Variants in SUSD6 observed in about 807,000 individuals in gnomAD.
SUSD6 encodes sushi domain containing 6, also known as sushi domain-containing protein 6.
SUSD6 carries 16 observed loss-of-function variants against 28.4 expected under a neutral mutation model. The observed-to-expected ratio is 0.56, with a 90% CI of 0.38 to 0.86. The LOEUF (loss-of-function observed/expected upper bound fraction) is 0.86. SUSD6 is among the 40% of genes least tolerant of loss of function. SUSD6 has a pLI of 0.00. For missense variants in SUSD6, 341 were observed against 384.2 expected (o/e 0.89, Z 0.94); for synonymous variants, 147 against 159.6 (o/e 0.92, Z 0.59).
At chr14:69,626,676 T>G (rs1288353850) in intron 1 of SUSD6, among the ~76,000 whole-genome samples, 1 of 152,110 alleles carries the variant, frequency 6.6e-6, no homozygotes, top group Non-Finnish European at 1.5e-5. Context: ...TAATACCAAC[T>G]AAGTCACCAG....
chr14:69,686,692 C>T (rs982680900), intron 2 of SUSD6, among the ~76,000 whole-genome samples: 18 of 152,172 alleles, frequency 1.2e-4, no homozygotes, highest in Non-Finnish European at 2.4e-4. Context: ...GAGAAATTCT[C>T]GTTTTTTAAA....
At chr14:69,665,300 GCT>G (rs1885723026) in intron 2 of SUSD6, among the ~76,000 whole-genome samples, 2 of 152,198 alleles carry the variant, frequency 1.3e-5, no homozygotes, top group African/African-American at 4.8e-5. Context: ...GAGTGCAGTG[GCT>G]CTGTCACAGC....
chr14:69,656,093 T>A (rs1192794939), intron 1 of SUSD6, among the ~76,000 whole-genome samples: 1 of 150,198 alleles, frequency 6.7e-6, no homozygotes, highest in Non-Finnish European at 1.5e-5. Context: ...TTTTCCTTCC[T>A]TCCTCCTTTC....
At chr14:69,704,192 T>C (rs529468034) in intron 3 of SUSD6, among the ~76,000 whole-genome samples, 1 of 152,338 alleles carries the variant, frequency 6.6e-6, no homozygotes, top group Admixed American at 6.5e-5. Context: ...CAGTCCAGTT[T>C]CTGTAAATTA....
intron 2 of SUSD6, among the ~76,000 whole-genome samples, chr14:69,700,012 T>C (rs1312780535): frequency 6.6e-6 from 1 of 152,166 alleles, no homozygotes; most frequent in South Asian, 2.1e-4. Context: ...CTCTACCTGG[T>C]GGGCACCATG....
At chr14:69,690,140 G>T (rs1414230854) in intron 2 of SUSD6, among the ~76,000 whole-genome samples, 1 of 152,178 alleles carries the variant, frequency 6.6e-6, no homozygotes, top group East Asian at 1.9e-4. Flanking sequence ...TCTCAGACTG[G>T]TCAGTCAAAA....
intron 2 of SUSD6, among the ~76,000 whole-genome samples, chr14:69,670,236 G>A (rs1044980386): frequency 6.6e-6 from 1 of 152,210 alleles, no homozygotes; most frequent in Non-Finnish European, 1.5e-5. Context: ...CCTGTGAGAG[G>A]AGGGCAGCAG....
At chr14:69,664,863 A>C (rs182684666) in intron 2 of SUSD6, among the ~76,000 whole-genome samples, 2 of 152,312 alleles carry the variant, frequency 1.3e-5, no homozygotes, top group East Asian at 3.9e-4. Flanking sequence ...TAAAACAAAA[A>C]TTAGGGTTAA....
intron 1 of SUSD6, among the ~76,000 whole-genome samples, chr14:69,656,994 AAT>A (rs1414679080): frequency 2.6e-5 from 4 of 152,232 alleles, no homozygotes; most frequent in Non-Finnish European, 4.4e-5. Context: ...CTATAGTCAC[AAT>A]TATTAGAGGG....
intron 2 of SUSD6, among the ~76,000 whole-genome samples, chr14:69,667,657 A>G (rs1885764952): frequency 6.6e-6 from 1 of 151,818 alleles, no homozygotes; most frequent in African/African-American, 2.4e-5. Flanking sequence ...TGCTGGGACT[A>G]CAGGTGTGAG....
Position 69,699,573 on chromosome 14 carries a change from A to T in SUSD6, c.122-3822A>T, listed in dbSNP as rs1271963082. On this transcript the variant is annotated intron_variant, in intron 2 of 5. Transcript: ENST00000342745. ...TTTTTTGGACCCTTTCTTCTTAGGC[A>T]TCCTTATTTCTTCTTTGAACCTGGA... is the stretch of plus-strand genomic sequence containing the variant. 2.0e-5 allele frequency among the ~76,000 whole-genome samples: 3 copies of T among 149,178 alleles called. No homozygotes were observed. In the East Asian group the frequency reaches 5.9e-4, roughly 29 times the overall value.
chr14:69,624,415 A>G (rs1445359399), intron 1 of SUSD6, among the ~76,000 whole-genome samples: 2 of 150,608 alleles, frequency 1.3e-5, no homozygotes, highest in African/African-American at 4.9e-5. Flanking sequence ...TATCAGCCAT[A>G]TGACCTTGAG....
At chr14:69,652,750 G>A (rs1434750570) in intron 1 of SUSD6, among the ~76,000 whole-genome samples, 1 of 152,144 alleles carries the variant, frequency 6.6e-6, no homozygotes, top group African/African-American at 2.4e-5. Context: ...ATTTTTGAAG[G>A]TGACTCCAGG....
chr14:69,701,261 C>G (rs560106563), intron 2 of SUSD6, among the ~76,000 whole-genome samples: 9 of 151,452 alleles, frequency 5.9e-5, no homozygotes, highest in Non-Finnish European at 1.2e-4. Context: ...GGATCCCGCT[C>G]AAAGATTCTG....
intron 1 of SUSD6, among the ~76,000 whole-genome samples, chr14:69,638,832 C>T (rs1291895331): frequency 6.6e-6 from 1 of 152,134 alleles, no homozygotes; most frequent in African/African-American, 2.4e-5. Flanking sequence ...TAATTTAAAC[C>T]CAAGGTCCTG....
intron 2 of SUSD6, among the ~76,000 whole-genome samples, chr14:69,701,208 T>C (rs1248811692): frequency 7.8e-6 from 1 of 128,480 alleles, no homozygotes; most frequent in Non-Finnish European, 1.6e-5. Context: ...CAGTCCTCAC[T>C]TTTTTTTTTT....
intron 2 of SUSD6, among the ~76,000 whole-genome samples, chr14:69,687,488 C>T (rs72723898): frequency 0.047 from 7,125 of 152,284 alleles, 222 homozygotes; most frequent in Non-Finnish European, 0.068. Context: ...CCTTCTATAA[C>T]ATAAAACCCC....
chr14:69,637,182 G>T (rs1885277097), intron 1 of SUSD6, among the ~76,000 whole-genome samples: 1 of 152,058 alleles, frequency 6.6e-6, no homozygotes, highest in African/African-American at 2.4e-5. Context: ...ACCTCTTTCT[G>T]CTCTGTCTGG....
At chr14:69,651,235 TAGAGACTTGTTAA>T (rs530878038) in intron 1 of SUSD6, among the ~76,000 whole-genome samples, 4 of 152,298 alleles carry the variant, frequency 2.6e-5, no homozygotes, top group Admixed American at 2.6e-4. Context: ...TGTTAGGTGC[TAGAGACTTGTTAA>T]AGAGAAGACT....
Sources: allele counts gnomAD v4.1 joint callset (sites outside exome capture counted in the v4.1 genomes callset), GRCh38; gene constraint gnomAD v4.1.1; transcripts MANE v1.5; gene names NCBI Gene and HGNC (gene_info 2026-07-23, HGNC 2026-07-21).